Variants in ZBTB20 observed in about 807,000 individuals in gnomAD.
The protein encoded by ZBTB20 is zinc finger and BTB domain containing 20, also known as zinc finger and BTB domain-containing protein 20.
Under a neutral mutation model 56.9 loss-of-function variants are expected in ZBTB20, and 9 were observed. The ratio of observed to expected loss-of-function variants is 0.16; its 90% CI spans 0.10 to 0.28. The LOEUF is 0.28. Ranked by LOEUF, ZBTB20 falls within the 10% of genes least tolerant of loss-of-function variation. The probability of loss-of-function intolerance (pLI) is 1.00; values close to 1 mark genes in which losing one functional copy is unlikely to be tolerated. For missense variants in ZBTB20, 655 were observed against 1,003.0 expected (o/e 0.65, Z 4.69); for synonymous variants, 417 against 420.7 (o/e 0.99, Z 0.11).
chr3:114,412,228 T>C (rs1189316013), intron 7 of ZBTB20, among the ~76,000 whole-genome samples: 6 of 152,124 alleles, frequency 3.9e-5, no homozygotes. Context: ...ATTCAATCAG[T>C]TTTCCTCATC....
At chr3:114,883,916 C>CCTTTTTT (rs1223732179) in intron 4 of ZBTB20, among the ~76,000 whole-genome samples, 20,053 of 89,572 alleles carry the variant, frequency 0.22, 8,024 homozygotes, top group Non-Finnish European at 0.29. Context: ...ATGGTGTGTT[C>CCTTTTTT]TTTTTTTTTT....
At chr3:114,558,908 C>T (rs899222947) in intron 6 of ZBTB20, among the ~76,000 whole-genome samples, 1 of 152,130 alleles carries the variant, frequency 6.6e-6, no homozygotes, top group Non-Finnish European at 1.5e-5. Context: ...TTCCAATTTG[C>T]CTGAAATGAT....
intron 5 of ZBTB20, among the ~76,000 whole-genome samples, chr3:114,708,884 T>C (rs1026721074): frequency 6.6e-6 from 1 of 152,134 alleles, no homozygotes; most frequent in Admixed American, 6.6e-5. Context: ...AACTTTTCCA[T>C]AATAAAAGCA....
chr3:114,837,847 T>C (rs1216064816), intron 4 of ZBTB20, among the ~76,000 whole-genome samples: 2 of 152,108 alleles, frequency 1.3e-5, no homozygotes, highest in Admixed American at 6.6e-5. Flanking sequence ...CTGCCTATTA[T>C]AATTGCTTAC....
chr3:114,766,777 A>C (rs1161416864), intron 5 of ZBTB20, among the ~76,000 whole-genome samples: 8 of 152,058 alleles, frequency 5.3e-5, no homozygotes, highest in Non-Finnish European at 8.8e-5. Context: ...TCTGACAGCC[A>C]AGTCAATCCA....
intron 2 of ZBTB20, among the ~76,000 whole-genome samples, chr3:115,066,939 T>C (rs2082228154): frequency 6.6e-6 from 1 of 152,220 alleles, no homozygotes; most frequent in South Asian, 2.1e-4. Context: ...ATTTTACATT[T>C]ATATTTATAA....
chr3:114,972,952 G>T (rs1295672631), intron 3 of ZBTB20, among the ~76,000 whole-genome samples: 1 of 151,980 alleles, frequency 6.6e-6, no homozygotes, highest in Non-Finnish European at 1.5e-5. Flanking sequence ...ACTTTACCTT[G>T]ATTTTGTGAA....
chr3:114,604,013 T>C (rs2056958618), intron 6 of ZBTB20, among the ~76,000 whole-genome samples: 1 of 152,044 alleles, frequency 6.6e-6, no homozygotes, highest in Non-Finnish European at 1.5e-5. Flanking sequence ...TCAAGATGCA[T>C]ATAACCCTTT....
intron 4 of ZBTB20, among the ~76,000 whole-genome samples, chr3:114,852,774 T>C (rs1219369136): frequency 6.6e-6 from 1 of 152,196 alleles, no homozygotes; most frequent in East Asian, 1.9e-4. Flanking sequence ...TTAGTTTTCA[T>C]TTTTCACTGA....
intron 6 of ZBTB20, among the ~76,000 whole-genome samples, chr3:114,537,040 A>G (rs979301180): frequency 6.6e-6 from 1 of 152,208 alleles, no homozygotes; most frequent in Non-Finnish European, 1.5e-5. Flanking sequence ...AAAACCCTAG[A>G]AGAAAACGTA....
intron 2 of ZBTB20, among the ~76,000 whole-genome samples, chr3:115,009,340 T>C (rs975065303): frequency 5.3e-5 from 8 of 151,936 alleles, no homozygotes; most frequent in Non-Finnish European, 1.0e-4. Flanking sequence ...CTGTAAGCTT[T>C]TATTCCAGGA....
intron 8 of ZBTB20, among the ~76,000 whole-genome samples, chr3:114,385,263 T>C (rs1559717704): frequency 6.6e-6 from 1 of 152,110 alleles, no homozygotes; most frequent in East Asian, 1.9e-4. Context: ...ATACATTAAA[T>C]AGGCTTAGTA....
intron 5 of ZBTB20, among the ~76,000 whole-genome samples, chr3:114,700,118 T>C (rs2108368380): frequency 6.6e-6 from 1 of 152,250 alleles, no homozygotes; most frequent in Admixed American, 6.5e-5. Flanking sequence ...TTTCCTTGTC[T>C]TAATTTTTGA....
At chr3:114,749,383 C>T (rs760630815) in intron 5 of ZBTB20, among the ~76,000 whole-genome samples, 7 of 152,042 alleles carry the variant, frequency 4.6e-5, no homozygotes, top group African/African-American at 7.2e-5. Flanking sequence ...GAAACCCCGT[C>T]GCTACTAAAA....
chr3:114,433,789 G>C (rs887174796), intron 7 of ZBTB20, among the ~76,000 whole-genome samples: 3 of 152,150 alleles, frequency 2.0e-5, no homozygotes, highest in Non-Finnish European at 4.4e-5. Flanking sequence ...TGCTTTAGCA[G>C]TTCGGAAGAA....
intron 2 of ZBTB20, among the ~76,000 whole-genome samples, chr3:114,988,009 A>C (rs1051214894): frequency 6.7e-6 from 1 of 149,264 alleles, no homozygotes; most frequent in African/African-American, 2.5e-5. Flanking sequence ...TCTATTCCCT[A>C]TCGTCTTCTT....
At chr3:114,925,203 C>T (rs990895992) in intron 3 of ZBTB20, among the ~76,000 whole-genome samples, 6 of 151,804 alleles carry the variant, frequency 4.0e-5, no homozygotes, top group South Asian at 2.1e-4. Context: ...AGGATGGTCT[C>T]GATCTCTTGA....
chr3:114,615,450 T>C (rs1414104328), intron 6 of ZBTB20, among the ~76,000 whole-genome samples: 1 of 152,120 alleles, frequency 6.6e-6, no homozygotes, highest in Non-Finnish European at 1.5e-5. Context: ...CAAGTTGGGG[T>C]AAGGATGTAT....
intron 6 of ZBTB20, among the ~76,000 whole-genome samples, chr3:114,557,085 A>C (rs2051327199): frequency 6.6e-6 from 1 of 152,034 alleles, no homozygotes; most frequent in Non-Finnish European, 1.5e-5. Flanking sequence ...TTATTACCTG[A>C]AAGATGTAGA....
Sources: allele counts gnomAD v4.1 joint callset (sites outside exome capture counted in the v4.1 genomes callset), GRCh38; gene constraint gnomAD v4.1.1; transcripts MANE v1.5; gene names NCBI Gene and HGNC (gene_info 2026-07-23, HGNC 2026-07-21).